Variants in CALN1 observed in about 807,000 individuals in gnomAD.
CALN1 encodes calcium-binding protein 8.
In CALN1, 17 loss-of-function variants were observed where a neutral mutation model predicts 30.6. The ratio of observed to expected loss-of-function variants is 0.56; its 90% CI spans 0.38 to 0.83. The LOEUF (loss-of-function observed/expected upper bound fraction) is 0.83. Ranked by LOEUF, CALN1 falls within the 40% of genes least tolerant of loss-of-function variation. The pLI is 0.00. For synonymous variants in CALN1, 156 were observed against 131.4 expected (o/e 1.19, Z -1.28); for missense variants, 291 against 354.9 (o/e 0.82, Z 1.45).
chr7:72,322,323 G>T (rs1339014015), intron 2 of CALN1, among the ~76,000 whole-genome samples: 1 of 152,158 alleles, frequency 6.6e-6, no homozygotes, highest in Non-Finnish European at 1.5e-5. Context: ...CAGGTTTACG[G>T]TAATGTAAGC....
chr7:72,020,149 T>C (rs1800622463), intron 5 of CALN1, among the ~76,000 whole-genome samples: 1 of 152,170 alleles, frequency 6.6e-6, no homozygotes, highest in Non-Finnish European at 1.5e-5. Flanking sequence ...AGCCTCAAAC[T>C]CCTGGCCTCA....
At chr7:72,321,041 G>C (rs1347653057) in intron 2 of CALN1, among the ~76,000 whole-genome samples, 1 of 152,062 alleles carries the variant, frequency 6.6e-6, no homozygotes, top group Non-Finnish European at 1.5e-5. Context: ...CAAGTACTTA[G>C]AAAGCAGCAC....
the CALN1 span, among the ~76,000 whole-genome samples, chr7:72,473,119 G>T: frequency 8.2e-3 from 1,182 of 143,498 alleles, 13 homozygotes; most frequent in Middle Eastern, 0.025. Flanking sequence ...TGTTCTTTTT[G>T]TTTTTTTTTT....
intron 3 of CALN1, among the ~76,000 whole-genome samples, chr7:72,116,244 A>G (rs2129541889): frequency 6.6e-6 from 1 of 152,302 alleles, no homozygotes; most frequent in East Asian, 1.9e-4. Context: ...TCCTGAAGGC[A>G]CTTCCTGCTT....
chr7:71,956,878 G>A (rs1315366619), intron 5 of CALN1, among the ~76,000 whole-genome samples: 1 of 151,874 alleles, frequency 6.6e-6, no homozygotes, highest in African/African-American at 2.4e-5. Flanking sequence ...TGTATTTTTA[G>A]TGGAGGTGAG....
chr7:72,151,582 CT>C (rs1787253273), intron 3 of CALN1, among the ~76,000 whole-genome samples: 1 of 152,206 alleles, frequency 6.6e-6, no homozygotes, highest in Non-Finnish European at 1.5e-5. Context: ...CTGCCTCCCA[CT>C]TGGGGGACCC....
At chr7:71,793,903 T>C (rs1786730138) in intron 6 of CALN1, among the ~76,000 whole-genome samples, 1 of 152,084 alleles carries the variant, frequency 6.6e-6, no homozygotes, top group Admixed American at 6.5e-5. Context: ...ACAAAAAAGA[T>C]CTATCTTCTT....
rs1398809343 is a variant in CALN1 at position 71,780,058 on chromosome 7, ACCAAC to A, written c.*7712_*7716del. 6.6e-6 allele frequency: 1 copy of A among 152,186 alleles called. No homozygotes were observed. The highest frequency in any genetic ancestry group is 1.5e-5 in the Non-Finnish European group (1 of 68,036). The allele number at this position is 152,186 out of a possible 1,614,324, so 9.4% of individuals were successfully genotyped here. A position where few individuals can be genotyped will look rare whatever the true frequency, so the allele number is the denominator to read the frequency against. On this transcript the variant is annotated 3_prime_UTR_variant, in exon 7 of 7. Transcript: ENST00000395275. Reference sequence around the variant, plus strand: ...CTCCCCATCCAACAGTTGACAGTTCACCAACCCAATGCCTGGACAGACTTTCTGAG... The same window carrying A: ...CTCCCCATCCAACAGTTGACAGTTCACCAATGCCTGGACAGACTTTCTGAG...
intron 4 of CALN1, among the ~76,000 whole-genome samples, chr7:72,052,122 A>T (rs1802873451): frequency 6.6e-6 from 1 of 152,158 alleles, no homozygotes; most frequent in Admixed American, 6.5e-5. Context: ...GTCTATCTAG[A>T]AAAAAAGAAA....
chr7:71,800,054 T>C (rs1787212208), intron 6 of CALN1, among the ~76,000 whole-genome samples: 1 of 152,188 alleles, frequency 6.6e-6, no homozygotes, highest in Non-Finnish European at 1.5e-5. Flanking sequence ...GAGAGAACCA[T>C]TGTGCATGGC....
intron 5 of CALN1, among the ~76,000 whole-genome samples, chr7:71,941,259 G>C (rs796396168): frequency 4.7e-5 from 6 of 128,182 alleles, no homozygotes; most frequent in African/African-American, 1.6e-4. Context: ...CTGAGGCAGG[G>C]AGAATTGCTT....
intron 2 of CALN1, among the ~76,000 whole-genome samples, chr7:72,372,355 C>T (rs866611268): frequency 3.4e-4 from 52 of 152,198 alleles, no homozygotes; most frequent in African/African-American, 1.2e-3. Context: ...TGCCCTCTGT[C>T]TGCTTGGCCC....
intron 2 of CALN1, among the ~76,000 whole-genome samples, chr7:72,281,238 C>T (rs1797717792): frequency 6.6e-6 from 1 of 152,094 alleles, no homozygotes; most frequent in Admixed American, 6.6e-5. Context: ...GACGACACAG[C>T]AAGAAGGCCC....
chr7:72,006,388 T>C (rs1799773667), intron 5 of CALN1, among the ~76,000 whole-genome samples: 1 of 152,018 alleles, frequency 6.6e-6, no homozygotes, highest in Non-Finnish European at 1.5e-5. Context: ...GAGCAAAAGA[T>C]GGAAAATAAA....
intron 4 of CALN1, among the ~76,000 whole-genome samples, chr7:72,044,676 A>C (rs1047260921): frequency 3.4e-5 from 5 of 147,220 alleles, no homozygotes; most frequent in Non-Finnish European, 5.9e-5. Flanking sequence ...CAGTGATACA[A>C]TCACAGCTCA....
chr7:72,387,348 G>A (rs941465048), intron 2 of CALN1, among the ~76,000 whole-genome samples: 1 of 145,194 alleles, frequency 6.9e-6, no homozygotes, highest in African/African-American at 2.5e-5. Flanking sequence ...TAATTTATAG[G>A]TAATCTGCTC....
At chr7:71,940,504 T>A (rs181040602) in intron 5 of CALN1, among the ~76,000 whole-genome samples, 1 of 152,370 alleles carries the variant, frequency 6.6e-6, no homozygotes, top group Admixed American at 6.5e-5. Context: ...TCTGACTTTT[T>A]GGACCCTCAA....
intron 5 of CALN1, among the ~76,000 whole-genome samples, chr7:71,833,863 G>A (rs1789438460): frequency 1.3e-5 from 2 of 152,052 alleles, no homozygotes; most frequent in Non-Finnish European, 2.9e-5. Flanking sequence ...AGCTATGATT[G>A]TGCTACTGTA....
intron 3 of CALN1, among the ~76,000 whole-genome samples, chr7:72,225,317 T>C (rs906294013): frequency 1.3e-5 from 2 of 151,952 alleles, no homozygotes; most frequent in African/African-American, 4.8e-5. Context: ...CTCCTGTGTG[T>C]CCCCAATTCT....
Sources: allele counts gnomAD v4.1 joint callset (sites outside exome capture counted in the v4.1 genomes callset), GRCh38; gene constraint gnomAD v4.1.1; transcripts MANE v1.5; gene names NCBI Gene and HGNC (gene_info 2026-07-23, HGNC 2026-07-21).